Variants in TLK1 observed in about 807,000 individuals in gnomAD.
The protein encoded by TLK1 is serine/threonine-protein kinase tousled-like 1.
Under a neutral mutation model 105.3 loss-of-function variants are expected in TLK1, and 24 were observed. That is an observed-to-expected ratio of 0.23 (90% CI 0.17 to 0.32). The LOEUF (loss-of-function observed/expected upper bound fraction) is 0.32, where lower values mean the gene tolerates loss of function less well. TLK1 is among the 10% of genes least tolerant of loss of function. The pLI, the probability that TLK1 is intolerant of heterozygous loss-of-function variation, is 1.00. For missense variants in TLK1, 558 were observed against 910.5 expected (o/e 0.61, Z 4.98); for synonymous variants, 321 against 310.4 (o/e 1.03, Z -0.36).
At position 171,139,461 on chromosome 2, in the gene TLK1, G is replaced by A. The variant is rs200854564; in HGVS notation, c.139+20829C>T. Among the ~76,000 whole-genome samples the A allele has an allele frequency of 2.0e-5, 3 of 152,124 alleles. No homozygotes were observed. The East Asian group carries it at 5.8e-4, about 29-fold the overall frequency. On this transcript the variant is annotated intron_variant, in intron 1 of 20. Transcript: ENST00000431350. ...AAAGATTCAAAAATTAGCTGGGCAT[G>A]GTGGCACACGAGTCCCAGCTAACTC... is the stretch of plus-strand genomic sequence containing the variant.
intron 1 of TLK1, among the ~76,000 whole-genome samples, chr2:171,131,491 C>T (rs1350972247): frequency 6.6e-6 from 1 of 152,108 alleles, no homozygotes; most frequent in Non-Finnish European, 1.5e-5. Flanking sequence ...GCCTGGTTGG[C>T]CTCAGATTAA....
intron 12 of TLK1, among the ~76,000 whole-genome samples, chr2:171,019,275 G>A (rs991231943): frequency 2.6e-5 from 4 of 152,170 alleles, no homozygotes; most frequent in Non-Finnish European, 5.9e-5. Context: ...CCAAATGTAG[G>A]CTGTAGCAAT....
upstream of TLK1, among the ~76,000 whole-genome samples, chr2:171,162,135 T>C (rs1034933553): frequency 2.0e-5 from 3 of 152,272 alleles, no homozygotes; most frequent in Non-Finnish European, 2.9e-5. Context: ...CCTTGTGCTT[T>C]AGATACTTCA....
intron 2 of TLK1, among the ~76,000 whole-genome samples, chr2:171,085,665 C>T (rs185067867): frequency 1.2e-4 from 19 of 152,268 alleles, no homozygotes; most frequent in Admixed American, 2.0e-4. Flanking sequence ...CATAGATAAA[C>T]GGTTACCAAA....
chr2:171,063,915 A>T (rs1457997333), intron 3 of TLK1, among the ~76,000 whole-genome samples: 1 of 152,226 alleles, frequency 6.6e-6, no homozygotes, highest in Non-Finnish European at 1.5e-5. Flanking sequence ...TTCACTGGAT[A>T]TGCACTTCAG....
At chr2:171,223,112 G>A (rs1693838071) in intron 1 of TLK1, among the ~76,000 whole-genome samples, 1 of 152,176 alleles carries the variant, frequency 6.6e-6, no homozygotes, top group Non-Finnish European at 1.5e-5. Flanking sequence ...ACTGTGCCCA[G>A]CCTAAGATAT....
At chr2:170,996,490 G>A (rs1684068798) in intron 20 of TLK1, among the ~76,000 whole-genome samples, 163 bp downstream of exon 20, 1 of 152,184 alleles carries the variant, frequency 6.6e-6, no homozygotes, top group South Asian at 2.1e-4. Context: ...ACCAGAGGCT[G>A]ATGCAACTCC....
intron 1 of TLK1, among the ~76,000 whole-genome samples, chr2:171,136,315 G>C (rs1691322325): frequency 6.6e-6 from 1 of 152,184 alleles, no homozygotes; most frequent in Non-Finnish European, 1.5e-5. Flanking sequence ...GGGGCCTAGG[G>C]GCAGAGGGGA....
chr2:171,072,859 G>GC (rs1244075844), intron 3 of TLK1, among the ~76,000 whole-genome samples: 1 of 150,964 alleles, frequency 6.6e-6, no homozygotes, highest in Non-Finnish European at 1.5e-5. Context: ...AACCGGGGAG[G>GC]TGGTGGTTGC....
intron 1 of TLK1, among the ~76,000 whole-genome samples, chr2:171,213,018 T>A (rs2105326512): frequency 6.6e-6 from 1 of 152,062 alleles, no homozygotes; most frequent in South Asian, 2.1e-4. Flanking sequence ...ATGGCCAGAG[T>A]AGACATTACT....
At chr2:171,100,262 C>T (rs188645718) in intron 2 of TLK1, among the ~76,000 whole-genome samples, 95 of 152,266 alleles carry the variant, frequency 6.2e-4, no homozygotes, top group Admixed American at 1.6e-3. Context: ...TTCATCTCCA[C>T]CAAAACTCAT....
intron 1 of TLK1, among the ~76,000 whole-genome samples, chr2:171,190,694 G>A (rs759601893): frequency 5.3e-5 from 8 of 152,106 alleles, no homozygotes; most frequent in Non-Finnish European, 1.0e-4. Context: ...TCTTTATAAA[G>A]AGGCAAACAA....
intron 2 of TLK1, among the ~76,000 whole-genome samples, chr2:171,086,308 C>A (rs1688970078): frequency 6.6e-6 from 1 of 152,120 alleles, no homozygotes; most frequent in South Asian, 2.1e-4. Context: ...TAGGCAGAAT[C>A]TAAGTACAAG....
rs537548139 is a variant in TLK1 at position 171,122,014 on chromosome 2, T to C, written c.140-4157A>G. Among the ~76,000 whole-genome samples the C allele has an allele frequency of 2.0e-5, 3 of 152,354 alleles. No homozygotes were observed. In the South Asian group the frequency reaches 6.2e-4, roughly 32 times the overall value. On this transcript the variant is annotated intron_variant, in intron 1 of 20. Transcript: ENST00000431350. ...CAGGCTGGAGTGTAGTGGTGCAATCTTGGCTCACTGCAACCTCCACCTCCT... is the reference window on the plus strand; with the variant it reads ...CAGGCTGGAGTGTAGTGGTGCAATCCTGGCTCACTGCAACCTCCACCTCCT...
chr2:171,130,332 G>A (rs1404649961), intron 1 of TLK1, among the ~76,000 whole-genome samples: 2 of 152,116 alleles, frequency 1.3e-5, no homozygotes, highest in East Asian at 3.8e-4. Context: ...AACCCAGGAG[G>A]CGGAGGCTGC....
chr2:171,109,332 A>G (rs1360422091), intron 2 of TLK1, among the ~76,000 whole-genome samples: 1 of 152,246 alleles, frequency 6.6e-6, no homozygotes, highest in Non-Finnish European at 1.5e-5. Context: ...ATCCTATATT[A>G]ATAACCCTTG....
intron 1 of TLK1, among the ~76,000 whole-genome samples, chr2:171,151,468 ATC>A (rs1321759092): frequency 7.0e-6 from 1 of 142,974 alleles, no homozygotes; most frequent in Non-Finnish European, 1.5e-5. Context: ...AAATATGTGT[ATC>A]TTTTTTTTTT....
At chr2:171,137,705 C>A (rs918983827) in intron 1 of TLK1, among the ~76,000 whole-genome samples, 1 of 151,770 alleles carries the variant, frequency 6.6e-6, no homozygotes, top group Non-Finnish European at 1.5e-5. Context: ...AAAAATTAGC[C>A]GGGTGTGGCA....
chr2:171,020,313 G>A (rs1012492906), intron 12 of TLK1, among the ~76,000 whole-genome samples: 1 of 151,714 alleles, frequency 6.6e-6, no homozygotes, highest in Non-Finnish European at 1.5e-5. Flanking sequence ...AGGCTGAGGT[G>A]GGTGGATCAT....
Sources: allele counts gnomAD v4.1 joint callset (sites outside exome capture counted in the v4.1 genomes callset), GRCh38; gene constraint gnomAD v4.1.1; transcripts MANE v1.5; gene names NCBI Gene and HGNC (gene_info 2026-07-23, HGNC 2026-07-21).